Variants in DYM observed in about 807,000 individuals in gnomAD.
The protein encoded by DYM is dymeclin.
DYM carries 78 observed loss-of-function variants against 93.1 expected under a neutral mutation model. The observed-to-expected ratio is 0.84, with a 90% confidence interval of 0.70 to 1.01. The LOEUF (loss-of-function observed/expected upper bound fraction) is 1.01, where lower values mean the gene tolerates loss of function less well. DYM is among the 50% of genes least tolerant of loss of function. The probability of loss-of-function intolerance (pLI) is 0.00; values close to 1 mark genes in which losing one functional copy is unlikely to be tolerated. For missense variants in DYM, 789 were observed against 845.0 expected (o/e 0.93, Z 0.82); for synonymous variants, 321 against 319.7 (o/e 1.00, Z -0.04).
intron 5 of DYM, chr18:49,368,823 G>A (rs552096991): frequency 6.6e-6 from 1 of 152,366 alleles, no homozygotes; most frequent in African/African-American, 2.4e-5. Context: ...TAAGTCTGGG[G>A]AGAATGGAAA....
chr18:49,228,814 T>C (rs2093616110), intron 13 of DYM, among the ~76,000 whole-genome samples: 1 of 152,080 alleles, frequency 6.6e-6, no homozygotes, highest in African/African-American at 2.4e-5. Flanking sequence ...TTACTGTGGA[T>C]AGGAAGACAA....
At chr18:49,382,763 G>A (rs1297129669) in intron 3 of DYM, among the ~76,000 whole-genome samples, 1 of 152,204 alleles carries the variant, frequency 6.6e-6, no homozygotes, top group Non-Finnish European at 1.5e-5. Flanking sequence ...CTTACCTGAT[G>A]CTAGAGCTTG....
At chr18:49,124,021 A>G (rs1367391283) in intron 15 of DYM, among the ~76,000 whole-genome samples, 1 of 152,242 alleles carries the variant, frequency 6.6e-6, no homozygotes, top group African/African-American at 2.4e-5. Flanking sequence ...CTTATACTTC[A>G]AAAATTATCT....
At chr18:49,139,289 A>G (rs1203268726) in intron 15 of DYM, among the ~76,000 whole-genome samples, 1 of 152,152 alleles carries the variant, frequency 6.6e-6, no homozygotes, top group Non-Finnish European at 1.5e-5. Context: ...AGAGGCAAAT[A>G]CTTTGAACCA....
chr18:49,271,141 A>G (rs1225086872), intron 11 of DYM, among the ~76,000 whole-genome samples: 1 of 152,144 alleles, frequency 6.6e-6, no homozygotes, highest in Non-Finnish European at 1.5e-5. Context: ...TCCAAAAAGA[A>G]AATTCGGTAA....
intron 17 of DYM, among the ~76,000 whole-genome samples, chr18:49,085,128 A>G (rs1446789824): frequency 6.6e-6 from 1 of 152,198 alleles, no homozygotes; most frequent in African/African-American, 2.4e-5. Context: ...TATGTTCTAG[A>G]TACAATGTAT....
intron 13 of DYM, among the ~76,000 whole-genome samples, chr18:49,235,373 T>C (rs1023712095): frequency 6.6e-6 from 1 of 152,178 alleles, no homozygotes; most frequent in African/African-American, 2.4e-5. Context: ...ATACACCTGA[T>C]GAAATCCTTT....
intron 3 of DYM, among the ~76,000 whole-genome samples, chr18:49,384,734 A>G (rs2068421160): frequency 6.6e-6 from 1 of 152,070 alleles, no homozygotes; most frequent in Non-Finnish European, 1.5e-5. Context: ...ATACACTACA[A>G]TAGTAAAAGA....
chr18:49,083,776 GTTCAT>G (rs1490887047), intron 17 of DYM, among the ~76,000 whole-genome samples: 1 of 151,950 alleles, frequency 6.6e-6, no homozygotes, highest in African/African-American at 2.4e-5. Context: ...TGTTTAATTT[GTTCAT>G]TTCAATTTGT....
intron 14 of DYM, among the ~76,000 whole-genome samples, chr18:49,203,625 G>A (rs1260433503): frequency 7.1e-6 from 1 of 141,518 alleles, no homozygotes; most frequent in Non-Finnish European, 1.5e-5. Context: ...GGTGCAAGAT[G>A]TGCTTTGTTA....
chr18:49,274,253 G>A (rs2094790400), intron 10 of DYM, among the ~76,000 whole-genome samples: 1 of 152,034 alleles, frequency 6.6e-6, no homozygotes, highest in Non-Finnish European at 1.5e-5. Flanking sequence ...CATACACTAC[G>A]TAGATTTTTG....
intron 14 of DYM, among the ~76,000 whole-genome samples, chr18:49,204,183 A>C (rs541476148): frequency 3.5e-4 from 54 of 152,356 alleles, no homozygotes; most frequent in African/African-American, 1.2e-3. Flanking sequence ...ATCCTGGCAA[A>C]GTATTAACTA....
intron 17 of DYM, among the ~76,000 whole-genome samples, chr18:49,091,411 A>G (rs2079038363): frequency 6.6e-6 from 1 of 152,134 alleles, no homozygotes; most frequent in Admixed American, 6.5e-5. Flanking sequence ...GAGAGATTTC[A>G]TTTGCTCATG....
intron 6 of DYM, among the ~76,000 whole-genome samples, chr18:49,341,491 C>CAAAAAAA (rs10578063): frequency 1.5e-5 from 1 of 64,918 alleles, no homozygotes; most frequent in African/African-American, 7.4e-5. Context: ...GACTCCATCG[C>CAAAAAAA]AAAAAAAAAA....
chr18:49,282,946 A>G (rs2095028038), intron 9 of DYM, among the ~76,000 whole-genome samples: 1 of 152,244 alleles, frequency 6.6e-6, no homozygotes, highest in Admixed American at 6.5e-5. Flanking sequence ...TTGTGGCTGA[A>G]GCATCCACTT....
intron 8 of DYM, among the ~76,000 whole-genome samples, chr18:49,306,281 GTTAA>G (rs1322818934): frequency 6.6e-6 from 1 of 152,108 alleles, no homozygotes; most frequent in East Asian, 1.9e-4. Context: ...GAAGTAGAGA[GTTAA>G]TTATTTTTTC....
At chr18:49,357,422 A>G (rs1407507431) in intron 6 of DYM, among the ~76,000 whole-genome samples, 1 of 152,224 alleles carries the variant, frequency 6.6e-6, no homozygotes, top group Non-Finnish European at 1.5e-5. Flanking sequence ...CAGCATTTAT[A>G]ACTAATTAAT....
At chr18:49,183,372 TC>T (rs1305792604) in intron 14 of DYM, among the ~76,000 whole-genome samples, 2 of 152,116 alleles carry the variant, frequency 1.3e-5, no homozygotes, top group Non-Finnish European at 2.9e-5. Context: ...CACAAGGCAG[TC>T]CTGCACTTCT....
chr18:49,194,939 A>G (rs2091307193), intron 14 of DYM, among the ~76,000 whole-genome samples: 1 of 152,144 alleles, frequency 6.6e-6, no homozygotes, highest in African/African-American at 2.4e-5. Flanking sequence ...ACTTATGCCA[A>G]AGGAAAACTT....
Sources: allele counts gnomAD v4.1 joint callset (sites outside exome capture counted in the v4.1 genomes callset), GRCh38; gene constraint gnomAD v4.1.1; transcripts MANE v1.5; gene names NCBI Gene and HGNC (gene_info 2026-07-23, HGNC 2026-07-21).